GAPVD1: variants seen among roughly 807,000 people sequenced by gnomAD.
GAPVD1 encodes GTPase activating protein and VPS9 domains 1, also known as GTPase-activating protein and VPS9 domain-containing protein 1.
In GAPVD1, 35 loss-of-function variants were observed where a neutral mutation model predicts 155.5. The observed-to-expected ratio is 0.23, with a 90% CI of 0.17 to 0.30. The LOEUF is 0.30. Among genes scored for constraint, GAPVD1 ranks in the 10% least tolerant of loss-of-function variants. The pLI is 1.00. For missense variants in GAPVD1, 1,429 were observed against 1,775.7 expected, an observed-to-expected ratio of 0.80 and a Z score of 3.51; for synonymous variants, 636 against 619.7, an observed-to-expected ratio of 1.03 and a Z score of -0.39.
intron 2 of GAPVD1, among the ~76,000 whole-genome samples, chr9:125,276,757 G>C (rs780196059): frequency 6.6e-6 from 1 of 152,120 alleles, no homozygotes; most frequent in Non-Finnish European, 1.5e-5. Context: ...AAATTTAGTT[G>C]CAGGTTTTTT....
chr9:125,285,447 T>C (rs1837498239), intron 2 of GAPVD1, among the ~76,000 whole-genome samples: 1 of 144,350 alleles, frequency 6.9e-6, no homozygotes, highest in East Asian at 2.0e-4. Flanking sequence ...TATTTCTTTT[T>C]TCTTTGTTTT....
chr9:125,335,928 G>A (rs1185779926), intron 15 of GAPVD1, among the ~76,000 whole-genome samples: 2 of 152,000 alleles, frequency 1.3e-5, no homozygotes, highest in Non-Finnish European at 2.9e-5. Flanking sequence ...AGAGGCAGGA[G>A]GAGTGCTTGA....
intron 25 of GAPVD1, among the ~76,000 whole-genome samples, chr9:125,356,910 G>A (rs1782819742): frequency 1.3e-5 from 2 of 152,206 alleles, no homozygotes; most frequent in Admixed American, 6.5e-5. Flanking sequence ...TCTGACCTCA[G>A]ATGATCCGCT....
intron 8 of GAPVD1, among the ~76,000 whole-genome samples, chr9:125,310,929 TCCCG>T (rs1256308972): frequency 6.6e-6 from 1 of 151,416 alleles, no homozygotes; most frequent in Non-Finnish European, 1.5e-5. Context: ...AACCTCCGCC[TCCCG>T]GGTTCAAGTG....
chr9:125,305,432 G>T (rs1196538162), intron 6 of GAPVD1, among the ~76,000 whole-genome samples: 5 of 149,816 alleles, frequency 3.3e-5, no homozygotes, highest in Non-Finnish European at 5.9e-5. Flanking sequence ...GAGTGCAGTG[G>T]CATGATCTTG....
intron 23 of GAPVD1, 79 bp downstream of exon 23, chr9:125,350,951 T>C (rs1487614906): frequency 4.4e-6 from 5 of 1,137,110 alleles, no homozygotes; most frequent in Middle Eastern, 4.0e-4. Flanking sequence ...ATTTCAGAAA[T>C]GAATCTAGGC....
intron 1 of GAPVD1, among the ~76,000 whole-genome samples, chr9:125,265,740 A>C (rs1313261738): frequency 8.4e-6 from 1 of 119,042 alleles, no homozygotes; most frequent in Non-Finnish European, 1.8e-5. Context: ...TGACGATATC[A>C]AATGTTGGTG....
At chr9:125,308,048 T>C in intron 8 of GAPVD1, 168 bp downstream of exon 8, 1 of 620,422 alleles carries the variant, frequency 1.6e-6, no homozygotes, top group East Asian at 2.7e-5. Flanking sequence ...TTAGTTAAGG[T>C]TTATCAGTAG....
At chr9:125,297,376 T>A (rs1840050698) in intron 3 of GAPVD1, among the ~76,000 whole-genome samples, 1 of 152,216 alleles carries the variant, frequency 6.6e-6, no homozygotes, top group Non-Finnish European at 1.5e-5. Context: ...ATAGGGGCAG[T>A]GCTTTTTTAA....
chr9:125,270,182 A>T (rs1414736215), intron 2 of GAPVD1, among the ~76,000 whole-genome samples: 1 of 152,014 alleles, frequency 6.6e-6, no homozygotes, highest in Non-Finnish European at 1.5e-5. Context: ...TAATCCTAGC[A>T]CTTTGGGAGG....
intron 25 of GAPVD1, among the ~76,000 whole-genome samples, chr9:125,357,407 C>CTGT (rs2132599303): frequency 6.7e-6 from 1 of 149,846 alleles, no homozygotes; most frequent in East Asian, 2.0e-4. Context: ...GGTGAAAACC[C>CTGT]ATCTCTACTA....
At chr9:125,296,780 C>T (rs1839959254) in intron 3 of GAPVD1, among the ~76,000 whole-genome samples, 1 of 151,822 alleles carries the variant, frequency 6.6e-6, no homozygotes. Flanking sequence ...CTGTCTCAGC[C>T]TCCTGAGTAG....
rs192159891 is a variant in GAPVD1, at chr9:125,359,545, T to C, written c.4044+53T>C. On this transcript the variant is annotated intron_variant, in intron 26 of 27. Coordinates refer to ENST00000297933, the MANE Select transcript of GAPVD1 (RefSeq NM_001282680.3). ...ATGTTAACTAAATGCTGCGTGTTAT[T>C]ATACCATATAATGTTACCACGTGTT... 1.0e-4 allele frequency: 89 copies of C among 873,178 alleles called. 1 individual carries two copies. In the East Asian group the frequency reaches 2.1e-3, roughly 21 times the overall value. The allele number at this position is 873,178 out of a possible 1,614,324, so 54.1% of individuals were successfully genotyped here. A position where few individuals can be genotyped will look rare whatever the true frequency, so the allele number is the denominator to read the frequency against.
At chr9:125,329,097 TGAGAGGGAGACCGTGGG>T (rs1293294831) in intron 12 of GAPVD1, among the ~76,000 whole-genome samples, 1 of 151,784 alleles carries the variant, frequency 6.6e-6, no homozygotes, top group African/African-American at 2.4e-5. Flanking sequence ...CGGCTCCGCA[TGAGAGGGAGACCGTGGG>T]GAGAGGGAGA....
At chr9:125,347,993 T>C (rs1362257079) in intron 20 of GAPVD1, among the ~76,000 whole-genome samples, 3 of 152,204 alleles carry the variant, frequency 2.0e-5, no homozygotes, top group African/African-American at 7.2e-5. Flanking sequence ...ATTCTTGACA[T>C]TTTGCCACGT....
intron 2 of GAPVD1, among the ~76,000 whole-genome samples, chr9:125,280,575 CT>C (rs1197408782): frequency 0.021 from 2,914 of 137,646 alleles, 56 homozygotes; most frequent in African/African-American, 0.067. Flanking sequence ...GTTACTACTA[CT>C]TTTTTTTTTT....
chr9:125,311,126 C>G (rs956965997), intron 8 of GAPVD1, among the ~76,000 whole-genome samples: 1 of 152,090 alleles, frequency 6.6e-6, no homozygotes, highest in Non-Finnish European at 1.5e-5. Context: ...CAGGTGTGAG[C>G]CACTACACCC....
chr9:125,316,637 T>C (rs513228), intron 9 of GAPVD1, among the ~76,000 whole-genome samples: 91,076 of 151,892 alleles, frequency 0.6, 29,405 homozygotes, highest in African/African-American at 0.86. Flanking sequence ...TCCAGTCTAT[T>C]GTTGATGGGC....
chr9:125,313,837 G>T (rs1843004317), intron 9 of GAPVD1, among the ~76,000 whole-genome samples: 1 of 152,234 alleles, frequency 6.6e-6, no homozygotes, highest in Non-Finnish European at 1.5e-5. Flanking sequence ...CTGACCTCCA[G>T]TGATCCACCC....
Sources: allele counts gnomAD v4.1 joint callset (sites outside exome capture counted in the v4.1 genomes callset), GRCh38; gene constraint gnomAD v4.1.1; transcripts MANE v1.5; gene names NCBI Gene and HGNC (gene_info 2026-07-23, HGNC 2026-07-21).